SMOC2: variants seen among roughly 807,000 people sequenced by gnomAD.
SMOC2 encodes the protein SPARC related modular calcium binding 2.
In SMOC2, 39 loss-of-function variants were observed where a neutral mutation model predicts 61.4. The observed-to-expected ratio is 0.64, with a 90% confidence interval of 0.49 to 0.83. The LOEUF (loss-of-function observed/expected upper bound fraction) is 0.83. Ranked by LOEUF, SMOC2 falls within the 40% of genes least tolerant of loss-of-function variation. The probability of loss-of-function intolerance (pLI) is 0.00; values close to 1 mark genes in which losing one functional copy is unlikely to be tolerated. For synonymous variants in SMOC2, 247 were observed against 239.9 expected, an observed-to-expected ratio of 1.03 and a Z score of -0.27; for missense variants, 556 against 592.9, an observed-to-expected ratio of 0.94 and a Z score of 0.65.
At chr6:168,537,884 C>G (rs991808641) in intron 4 of SMOC2, among the ~76,000 whole-genome samples, 1 of 152,230 alleles carries the variant, frequency 6.6e-6, no homozygotes, top group African/African-American at 2.4e-5. Flanking sequence ...CACCTGGGGA[C>G]AGTTTCTCAG....
intron 4 of SMOC2, among the ~76,000 whole-genome samples, chr6:168,536,317 G>C (rs928150521): frequency 6.6e-6 from 1 of 152,126 alleles, no homozygotes; most frequent in South Asian, 2.1e-4. Flanking sequence ...GGTGAGGGAC[G>C]TCTTGCCTGC....
At chr6:168,577,101 G>C (rs1045502305) in intron 7 of SMOC2, among the ~76,000 whole-genome samples, 9 of 152,136 alleles carry the variant, frequency 5.9e-5, no homozygotes, top group African/African-American at 2.2e-4. Flanking sequence ...GTTCCACCAG[G>C]ATGACTTATT....
At chr6:168,647,958 T>TG (rs1323568016) in intron 9 of SMOC2, among the ~76,000 whole-genome samples, 2 of 151,526 alleles carry the variant, frequency 1.3e-5, no homozygotes, top group South Asian at 2.1e-4. Context: ...TAAAGACTCC[T>TG]GCAGCTTTTA....
intron 8 of SMOC2, 136 bp downstream of exon 8, chr6:168,599,140 ACCACACACATAC>A: frequency 1.3e-6 from 1 of 791,842 alleles, no homozygotes; most frequent in Admixed American, 2.7e-5. Context: ...ACACACTGAT[ACCACACACATAC>A]CCACACACAC....
chr6:168,592,161 C>T (rs990784425), intron 7 of SMOC2, among the ~76,000 whole-genome samples: 18 of 152,230 alleles, frequency 1.2e-4, no homozygotes, highest in African/African-American at 4.1e-4. Context: ...GCAGCCTCTC[C>T]TTCCCTATTT....
chr6:168,531,698 A>G (rs1387676209), intron 4 of SMOC2, among the ~76,000 whole-genome samples: 1 of 152,256 alleles, frequency 6.6e-6, no homozygotes, highest in Admixed American at 6.5e-5. Context: ...AGGGCCAAAC[A>G]CTGGCTGCCT....
At position 168,553,739 on chromosome 6, in the gene SMOC2, C is replaced by G. The variant is rs1049348499; in HGVS notation, c.637+4536C>G. ...TCTCTGGGGCGAGGAGGCATCCAGG[C>G]TCACGGGACGGTTTCTGTATCACGG... On this transcript the variant is annotated intron_variant, in intron 7 of 12. Coordinates refer to ENST00000356284, the MANE Select transcript of SMOC2 (RefSeq NM_001166412.2). The surrounding 1 kb of genome is among the most constrained non-coding windows in gnomAD (Gnocchi z 4.2). 6.6e-6 allele frequency among the ~76,000 whole-genome samples: 1 copy of G among 152,204 alleles called. No individual in the cohort carries two copies. The highest frequency in any genetic ancestry group is 2.4e-5 in the African/African-American group (1 of 41,458).
chr6:168,571,888 G>A (rs1032517225), intron 7 of SMOC2, among the ~76,000 whole-genome samples: 1 of 97,520 alleles, frequency 1.0e-5, no homozygotes, highest in Non-Finnish European at 2.1e-5. Context: ...CGGGTGCGGG[G>A]ACCAGGGCTG....
intron 4 of SMOC2, among the ~76,000 whole-genome samples, chr6:168,531,640 G>GC (rs535685227): frequency 3.8e-4 from 58 of 152,164 alleles, no homozygotes; most frequent in Admixed American, 8.5e-4. Context: ...GGGCATTGCG[G>GC]CCCCCCACTT....
intron 1 of SMOC2, among the ~76,000 whole-genome samples, chr6:168,451,123 TC>T (rs951952649): frequency 1.3e-4 from 20 of 152,276 alleles, no homozygotes; most frequent in African/African-American, 4.6e-4. Context: ...ACTGATTTAT[TC>T]CCCAGGGGAA....
intron 2 of SMOC2, among the ~76,000 whole-genome samples, chr6:168,521,544 G>A (rs1248400955): frequency 6.6e-6 from 1 of 152,068 alleles, no homozygotes; most frequent in East Asian, 1.9e-4. Context: ...CCAACAGGTA[G>A]AAATAAATTG....
intron 11 of SMOC2, among the ~76,000 whole-genome samples, chr6:168,657,957 C>G (rs1254448007): frequency 1.3e-5 from 2 of 152,160 alleles, no homozygotes; most frequent in Admixed American, 6.5e-5. Flanking sequence ...ACCTTCAGAC[C>G]ATAACAGGCT....
chr6:168,641,367 AC>A (rs1786886711), intron 9 of SMOC2, among the ~76,000 whole-genome samples: 1 of 151,932 alleles, frequency 6.6e-6, no homozygotes, highest in Non-Finnish European at 1.5e-5. Context: ...ATCACCATAA[AC>A]CCTCCGTGTC....
chr6:168,510,218 T>C (rs1189821136), intron 2 of SMOC2, 132 bp downstream of exon 2: 2 of 787,258 alleles, frequency 2.5e-6, no homozygotes, highest in African/African-American at 3.5e-5. Context: ...TTTTACAGCA[T>C]GTAAGGAAGA....
intron 9 of SMOC2, among the ~76,000 whole-genome samples, chr6:168,648,659 G>A (rs1399789184): frequency 6.6e-6 from 1 of 152,194 alleles, no homozygotes; most frequent in African/African-American, 2.4e-5. Flanking sequence ...TTTTGCTATA[G>A]ATTTTGATCT....
intron 7 of SMOC2, among the ~76,000 whole-genome samples, chr6:168,569,671 T>A (rs1471807927): frequency 1.3e-5 from 2 of 152,168 alleles, no homozygotes; most frequent in East Asian, 3.9e-4. Context: ...CCCCAACTCC[T>A]TAGCTCAAGC....
At position 168,452,530 on chromosome 6, in the gene SMOC2, C is replaced by T. The variant is rs1446129530; in HGVS notation, c.84+11076C>T. Among the ~76,000 whole-genome samples, 1 of 152,136 alleles carries T rather than the reference C, an allele frequency of 6.6e-6. No homozygotes were observed. The highest frequency in any genetic ancestry group is 1.5e-5 in the Non-Finnish European group (1 of 68,030). ...AATGAATATTATATTTCAGTGTTCTCCAGTAATAGGATTCTCAGACATGTG... is the reference window on the plus strand; with the variant it reads ...AATGAATATTATATTTCAGTGTTCTTCAGTAATAGGATTCTCAGACATGTG... On this transcript the variant is annotated intron_variant, in intron 1 of 12. Transcript: ENST00000356284. The surrounding 1 kb of genome is among the most constrained non-coding windows in gnomAD (Gnocchi z 5.0).
intron 1 of SMOC2, among the ~76,000 whole-genome samples, chr6:168,495,356 C>T (rs780393955): frequency 3.3e-5 from 5 of 152,240 alleles, no homozygotes; most frequent in African/African-American, 4.8e-5. Context: ...CACTGGCTGA[C>T]GCCAGCCAGG....
rs569419544 is a variant in SMOC2, at chr6:168,453,539, T to A, written c.84+12085T>A. Among the ~76,000 whole-genome samples, 1 of 152,146 alleles carries A rather than the reference T, an allele frequency of 6.6e-6. No individual in the cohort carries two copies. The highest frequency in any genetic ancestry group is 1.9e-4 in the East Asian group (1 of 5,160). ...CTCTGTCTCTCTCTGTCTCTTTGTC[T>A]CTCTCTGTACCTGTCTCTCTGATTC... On this transcript the variant is annotated intron_variant, in intron 1 of 12. Transcript: ENST00000356284. This position sits in a 1 kb window ranked among gnomAD's most constrained non-coding sequence, Gnocchi z 4.4.
Sources: gnomAD v4.1 joint callset for allele counts (sites outside exome capture counted in the v4.1 genomes callset) on GRCh38, gnomAD v4.1.1 for gene constraint, Gnocchi (gnomAD v3.1) non-coding constraint, MANE v1.5 for transcripts, NCBI Gene and HGNC (gene_info 2026-07-23, HGNC 2026-07-21) for gene names.